Variants in ALDH5A1 observed in about 807,000 individuals in gnomAD.
ALDH5A1 encodes aldehyde dehydrogenase 5 family member A1.
ALDH5A1 carries 33 observed loss-of-function variants against 54.7 expected under a neutral mutation model. The ratio of observed to expected loss-of-function variants is 0.60; its 90% CI spans 0.46 to 0.81. The LOEUF (loss-of-function observed/expected upper bound fraction) is 0.81, where lower values mean the gene tolerates loss of function less well. Ranked by LOEUF, ALDH5A1 falls within the 30% of genes least tolerant of loss-of-function variation. ALDH5A1 has a pLI of 0.00. For synonymous variants in ALDH5A1, 294 were observed against 292.7 expected, an observed-to-expected ratio of 1.00 and a Z score of -0.05; for missense variants, 657 against 711.0, an observed-to-expected ratio of 0.92 and a Z score of 0.86.
chr6:24,502,836 T>A (rs999681806), intron 2 of ALDH5A1, among the ~76,000 whole-genome samples: 4 of 152,212 alleles, frequency 2.6e-5, no homozygotes, highest in Non-Finnish European at 5.9e-5. Context: ...ATAGATTTTG[T>A]TTGCAACTAT....
At chr6:24,530,920 C>A (rs1279691066) in intron 8 of ALDH5A1, among the ~76,000 whole-genome samples, 1 of 152,240 alleles carries the variant, frequency 6.6e-6, no homozygotes, top group Non-Finnish European at 1.5e-5. Context: ...TTGCCCTGCC[C>A]ACTCCTGCAT....
chr6:24,510,449 G>A (rs1011923265), intron 4 of ALDH5A1, among the ~76,000 whole-genome samples: 38 of 152,000 alleles, frequency 2.5e-4, no homozygotes, highest in African/African-American at 9.2e-4. Context: ...CATTTCTTAG[G>A]TCTAATAGTA....
In ALDH5A1 at chr6:24,503,298, C is replaced by G. The variant is rs781053468; in HGVS notation, c.474C>G (p.Leu158=). 7 of 1,614,112 alleles carry G rather than the reference C, an allele frequency of 4.3e-6. No individual in the cohort carries two copies. In the South Asian group the frequency reaches 6.6e-5, roughly 15 times the overall value. The change falls in exon 3 of 10, where the codon CTC becomes CTG. Residue 158 remains leucine, a synonymous_variant. Transcript: ENST00000357578. ...TGAAGGAGGCACATGGAGAAATTCT[C>G]TATTCCGCCTTTTTCCTAGAGTGGT... is the stretch of plus-strand genomic sequence containing the variant. ...KPLKEAHGEI[L]YSAFFLEWFS... is the part of the protein sequence containing the mutation.
intron 4 of ALDH5A1, among the ~76,000 whole-genome samples, chr6:24,506,273 T>TTTTTTTTTTTTTTTTTTTTTTTTTTTTTG (rs1390825941): frequency 9.5e-6 from 1 of 105,014 alleles, no homozygotes. Flanking sequence ...TTTTTTTTTT[T>TTTTTTTTTTTTTTTTTTTTTTTTTTTTTG]GAGACAGTCT....
intron 9 of ALDH5A1, among the ~76,000 whole-genome samples, chr6:24,533,202 T>C (rs1282237111): frequency 1.3e-5 from 2 of 152,004 alleles, no homozygotes; most frequent in Non-Finnish European, 2.9e-5. Flanking sequence ...TAATCAGGAG[T>C]CATCGAAAGG....
At chr6:24,511,183 A>G (rs1759450572) in intron 4 of ALDH5A1, among the ~76,000 whole-genome samples, 2 of 152,202 alleles carry the variant, frequency 1.3e-5, no homozygotes, top group Non-Finnish European at 2.9e-5. Context: ...GTTTCTGCTG[A>G]GAAATCTGCT....
intron 4 of ALDH5A1, among the ~76,000 whole-genome samples, chr6:24,505,434 A>AC (rs1009400927): frequency 4.1e-5 from 6 of 145,078 alleles, no homozygotes; most frequent in South Asian, 2.2e-4. Context: ...GTCACTTCCC[A>AC]CCCCCCCAGT....
Position 24,528,147 on chromosome 6 carries a change from C to T in ALDH5A1, c.1324C>T (p.Pro442Ser), listed in dbSNP as rs750638943. 3.1e-6 allele frequency: 5 copies of T among 1,613,832 alleles called. No individual in the cohort carries two copies. The highest frequency in any genetic ancestry group is 4.2e-6 in the Non-Finnish European group (5 of 1,179,862). ...MLCTHEETFGPLAPVIKFDTE... is the reference protein window; with the variant it reads ...MLCTHEETFGSLAPVIKFDTE... Reference sequence around the variant, plus strand: ...GTGCACTCATGAAGAGACTTTCGGGCCTCTGGCACCAGTTATCAAGTAAGA... The same window carrying T: ...GTGCACTCATGAAGAGACTTTCGGGTCTCTGGCACCAGTTATCAAGTAAGA... The change falls in exon 8 of 10, where the codon CCT becomes TCT. Residue 442 changes from proline (P) to serine (S), a missense_variant. Transcript: ENST00000357578.
At chr6:24,525,447 C>T (rs898337667) in intron 7 of ALDH5A1, among the ~76,000 whole-genome samples, 7 of 151,870 alleles carry the variant, frequency 4.6e-5, no homozygotes, top group African/African-American at 1.2e-4. Flanking sequence ...GCCTATAATC[C>T]CAGCATTTGG....
chr6:24,531,190 C>T (rs1325772970), intron 8 of ALDH5A1, among the ~76,000 whole-genome samples: 1 of 152,222 alleles, frequency 6.6e-6, no homozygotes, highest in Non-Finnish European at 1.5e-5. Flanking sequence ...ATGTACTTCA[C>T]TGGCCTTGTT....
intron 1 of ALDH5A1, among the ~76,000 whole-genome samples, chr6:24,500,517 C>T (rs1027289362): frequency 9.2e-5 from 14 of 152,072 alleles, no homozygotes; most frequent in African/African-American, 3.1e-4. Flanking sequence ...CATGGTGGCT[C>T]ATGATTGTAA....
intron 4 of ALDH5A1, among the ~76,000 whole-genome samples, chr6:24,508,361 C>CAAAAAAAAAAAAAAAAAAAAAAAAAAAA (rs1214819272): frequency 3.1e-4 from 4 of 13,082 alleles, no homozygotes; most frequent in Non-Finnish European, 5.3e-4. Context: ...ACTCCATCTC[C>CAAAAAAAAAAAAAAAAAAAAAAAAAAAA]AAAAAAAAAA....
In ALDH5A1 at chr6:24,495,098, C is replaced by G. The variant is rs779034609; in HGVS notation, c.102C>G (p.Ala34=). 4.8e-5 allele frequency: 64 copies of G among 1,319,588 alleles called. No homozygotes were observed. In the African/African-American group the frequency reaches 9.2e-4, roughly 19 times the overall value. 81.7% of individuals were successfully genotyped at this position (1,319,588 alleles called of 1,614,324 possible). ...CCCGCGCCGGCGGCCTGGTCCCTGC[C>G]TCCGGGCCTGCGCCCGGCCCGGCCC... The part of the protein sequence containing the change: ...LRPRAGGLVP[A]SGPAPGPAQL... The change falls in exon 1 of 10, where the codon GCC becomes GCG. Residue 34 remains alanine, a synonymous_variant. Coordinates refer to ENST00000357578, the MANE Select transcript of ALDH5A1 (RefSeq NM_001080.3).
At chr6:24,517,944 G>A (rs181825686) in intron 5 of ALDH5A1, among the ~76,000 whole-genome samples, 2 of 152,344 alleles carry the variant, frequency 1.3e-5, no homozygotes, top group Admixed American at 1.3e-4. Context: ...CCCGCTGAGA[G>A]GACAGCAGCC....
At chr6:24,511,952 G>A in intron 4 of ALDH5A1, 1 of 509,608 alleles carries the variant, frequency 2.0e-6, no homozygotes, top group Non-Finnish European at 3.5e-6. Flanking sequence ...TCTTCTTATT[G>A]GGGTAGGCTC....
intron 4 of ALDH5A1, among the ~76,000 whole-genome samples, chr6:24,512,424 CT>C (rs1315161370): frequency 1.3e-5 from 2 of 152,206 alleles, no homozygotes; most frequent in Non-Finnish European, 2.9e-5. Flanking sequence ...AATTATCTTT[CT>C]TTTCACCTTC....
At chr6:24,510,713 C>T (rs911076782) in intron 4 of ALDH5A1, among the ~76,000 whole-genome samples, 1 of 152,140 alleles carries the variant, frequency 6.6e-6, no homozygotes, top group Non-Finnish European at 1.5e-5. Context: ...TTAGGTGGGT[C>T]TCTTAAAGGC....
Position 24,530,944 on chromosome 6 carries a change from C to T in ALDH5A1, c.1344-1175C>T, listed in dbSNP as rs1759926126. 1.3e-5 allele frequency among the ~76,000 whole-genome samples: 2 copies of T among 152,240 alleles called. 1 individual carries two copies. Among genetic ancestry groups the T allele is most frequent in the South Asian group, 4.1e-4 (2 of 4,836 alleles). On this transcript the variant is annotated intron_variant, in intron 8 of 9. Coordinates refer to ENST00000357578, the MANE Select transcript of ALDH5A1 (RefSeq NM_001080.3). ...CCACTCCTGCATGGGTGGTCTCGAG[C>T]TCGCTCTCACGTGAGGCCATCATTC...
chr6:24,511,731 T>G, intron 4 of ALDH5A1: 1 of 396,364 alleles, frequency 2.5e-6, no homozygotes, highest in Non-Finnish European at 4.4e-6. Context: ...ATTTCTTGTA[T>G]CTTTTTTTTT....
Sources: gnomAD v4.1 joint callset for allele counts (sites outside exome capture counted in the v4.1 genomes callset) on GRCh38, gnomAD v4.1.1 for gene constraint, MANE v1.5 for transcripts, NCBI Gene and HGNC (gene_info 2026-07-23, HGNC 2026-07-21) for gene names.